Variants in RSU1 observed in about 807,000 individuals in gnomAD.
RSU1 encodes the protein Ras suppressor protein 1.
RSU1 carries 26 observed loss-of-function variants against 31.1 expected under a neutral mutation model. The observed-to-expected ratio is 0.84, with a 90% CI of 0.61 to 1.16. The LOEUF (loss-of-function observed/expected upper bound fraction) is 1.16, where lower values mean the gene tolerates loss of function less well. RSU1 is among the 50% of genes most tolerant of loss of function. The probability of loss-of-function intolerance (pLI) is 0.00; values close to 1 mark genes in which losing one functional copy is unlikely to be tolerated. For missense variants in RSU1, 320 were observed against 339.1 expected (o/e 0.94, Z 0.44); for synonymous variants, 164 against 136.3 (o/e 1.20, Z -1.41).
chr10:16,722,275 T>C (rs931997417), intron 7 of RSU1, among the ~76,000 whole-genome samples: 1 of 152,140 alleles, frequency 6.6e-6, no homozygotes, highest in Admixed American at 6.5e-5. Context: ...GGTTCAGGCA[T>C]CCACTGGGGG....
intron 7 of RSU1, among the ~76,000 whole-genome samples, chr10:16,746,459 C>T (rs1836857227): frequency 6.6e-6 from 1 of 152,130 alleles, no homozygotes; most frequent in African/African-American, 2.4e-5. Context: ...GGTCCCATTA[C>T]TGCCTAGAAG....
At position 16,756,529 on chromosome 10, in the gene RSU1, T is replaced by G. The variant is rs1261867131; in HGVS notation, c.282-1540A>C. On this transcript the variant is annotated intron_variant, in intron 4 of 8. Coordinates refer to ENST00000345264, the MANE Select transcript of RSU1 (RefSeq NM_012425.4). ...ACCTTTAAGATGATCCACTTCCACT[T>G]AAAGCACAGTAAATGCACTTTCTTT... Among the ~76,000 whole-genome samples, 4 of 152,220 alleles carry G rather than the reference T, an allele frequency of 2.6e-5. No homozygotes were observed. The East Asian group carries it at 5.8e-4, about 22-fold the overall frequency.
At chr10:16,817,181 T>C in intron 1 of RSU1, 97 bp from the exon 2 acceptor site, 1 of 850,780 alleles carries the variant, frequency 1.2e-6, no homozygotes, top group Non-Finnish European at 1.9e-6. Context: ...TTCCCCAGGG[T>C]TGGAGCGGGT....
At chr10:16,810,955 G>T (rs1195469652) in intron 2 of RSU1, among the ~76,000 whole-genome samples, 3 of 152,048 alleles carry the variant, frequency 2.0e-5, no homozygotes. Flanking sequence ...CCAGGAAGCC[G>T]AGGCTACAGT....
intron 7 of RSU1, among the ~76,000 whole-genome samples, chr10:16,705,185 T>C (rs746823983): frequency 4.6e-5 from 7 of 152,212 alleles, no homozygotes; most frequent in Non-Finnish European, 7.3e-5. Context: ...ATCCATGTTG[T>C]AGCATATGTC....
chr10:16,755,062 G>C (rs1837056259), intron 4 of RSU1, 73 bp from the exon 5 acceptor site: 1 of 813,268 alleles, frequency 1.2e-6, no homozygotes, highest in Non-Finnish European at 2.1e-6. Context: ...GGGCACCTCT[G>C]TTTCAGACGC....
At chr10:16,668,558 T>C (rs1450718495) in intron 8 of RSU1, among the ~76,000 whole-genome samples, 1 of 152,208 alleles carries the variant, frequency 6.6e-6, no homozygotes, top group Non-Finnish European at 1.5e-5. Context: ...TCTATAAAAT[T>C]TGAACATCAT....
intron 8 of RSU1, among the ~76,000 whole-genome samples, chr10:16,658,480 T>C (rs545909079): frequency 6.6e-6 from 1 of 152,076 alleles, no homozygotes; most frequent in Non-Finnish European, 1.5e-5. Flanking sequence ...TCCCAGCACT[T>C]TGGGAGGCTG....
chr10:16,798,716 G>C (rs1487534246), intron 2 of RSU1, among the ~76,000 whole-genome samples: 7 of 152,190 alleles, frequency 4.6e-5, no homozygotes, highest in Admixed American at 3.9e-4. Context: ...ACTTTAAAGA[G>C]CATACTACAT....
chr10:16,713,903 T>C (rs905197154), intron 7 of RSU1, among the ~76,000 whole-genome samples: 1 of 152,202 alleles, frequency 6.6e-6, no homozygotes, highest in African/African-American at 2.4e-5. Context: ...GCTTTAGTTC[T>C]GGGTGGACTC....
intron 2 of RSU1, among the ~76,000 whole-genome samples, chr10:16,783,953 T>C (rs769729561): frequency 1.3e-5 from 2 of 152,220 alleles, no homozygotes; most frequent in Non-Finnish European, 1.5e-5. Context: ...TGGTTGAGAA[T>C]TCACGCTGCA....
At chr10:16,736,179 T>C (rs1412136487) in intron 7 of RSU1, among the ~76,000 whole-genome samples, 3 of 152,136 alleles carry the variant, frequency 2.0e-5, no homozygotes, top group Non-Finnish European at 4.4e-5. Context: ...CATGAATCTT[T>C]GCCAAATATT....
intron 7 of RSU1, among the ~76,000 whole-genome samples, chr10:16,707,213 A>T (rs1835924099): frequency 6.6e-6 from 1 of 152,172 alleles, no homozygotes; most frequent in African/African-American, 2.4e-5. Context: ...ATGGGAGTTG[A>T]AGTTTTCTCT....
At chr10:16,750,276 T>G (rs1464133089) in intron 7 of RSU1, among the ~76,000 whole-genome samples, 1 of 152,174 alleles carries the variant, frequency 6.6e-6, no homozygotes, top group African/African-American at 2.4e-5. Flanking sequence ...TCTAAAGGTT[T>G]ATCACGTACT....
At chr10:16,647,359 A>T (rs1039534231) in intron 8 of RSU1, among the ~76,000 whole-genome samples, 1 of 152,202 alleles carries the variant, frequency 6.6e-6, no homozygotes, top group Non-Finnish European at 1.5e-5. Context: ...TCAAACGGTT[A>T]AACATAGTTA....
rs1834988590 is a variant in RSU1, at chr10:16,666,422, T to C, written c.731+28601A>G. Among the ~76,000 whole-genome samples, 3 of 152,274 alleles carry C rather than the reference T, an allele frequency of 2.0e-5. No homozygotes were observed. In the South Asian group the frequency reaches 6.2e-4, roughly 32 times the overall value. On this transcript the variant is annotated intron_variant, in intron 8 of 8. Coordinates refer to ENST00000345264, the MANE Select transcript of RSU1 (RefSeq NM_012425.4). The stretch of plus-strand genomic sequence containing the variant: ...ATCACAACTGCACTCTCAAATAACA[T>C]GTTGATCTGAAGATACTTACTTTAG...
chr10:16,638,057 T>C (rs973286308), intron 8 of RSU1, among the ~76,000 whole-genome samples: 9 of 152,192 alleles, frequency 5.9e-5, no homozygotes, highest in Non-Finnish European at 7.3e-5. Flanking sequence ...TCTGCCCTGA[T>C]AAAATTTGAG....
At chr10:16,754,096 T>G (rs1441095354) in intron 5 of RSU1, among the ~76,000 whole-genome samples, 2 of 152,172 alleles carry the variant, frequency 1.3e-5, no homozygotes, top group Non-Finnish European at 2.9e-5. Flanking sequence ...GTTGGTTTCA[T>G]GTGCTTGAGA....
chr10:16,808,811 A>G (rs1838336674), intron 2 of RSU1, among the ~76,000 whole-genome samples: 1 of 152,202 alleles, frequency 6.6e-6, no homozygotes, highest in African/African-American at 2.4e-5. Flanking sequence ...TCAGGTTAAA[A>G]TGAGGTCCTT....
Sources: allele counts gnomAD v4.1 joint callset (sites outside exome capture counted in the v4.1 genomes callset), GRCh38; gene constraint gnomAD v4.1.1; transcripts MANE v1.5; gene names NCBI Gene and HGNC (gene_info 2026-07-23, HGNC 2026-07-21).